PML: variants seen among roughly 807,000 people sequenced by gnomAD.
The protein encoded by PML is protein PML.
A neutral mutation model predicts 65.2 loss-of-function variants in PML; 28 were observed. That is an observed-to-expected ratio of 0.43 (90% confidence interval 0.32 to 0.59). The LOEUF is 0.59. Among genes scored for constraint, PML ranks in the 20% least tolerant of loss-of-function variants. PML has a pLI of 0.08. For synonymous variants in PML, 500 were observed against 508.8 expected (o/e 0.98, Z 0.23); for missense variants, 1,021 against 1,203.4 (o/e 0.85, Z 2.24).
rs115415731 is a variant in PML at position 74,033,614 on chromosome 15, G to A, written c.1657+200G>A. On this transcript the variant is annotated intron_variant, in intron 6 of 8. Coordinates refer to ENST00000268058, the MANE Select transcript of PML (RefSeq NM_033238.3). The stretch of plus-strand genomic sequence containing the variant: ...TACCATGTGTTTTGCCATGATTGAG[G>A]TGTGGGGAGCCTGACAGGCTAAAAT... 5.7e-4 allele frequency: 411 copies of A among 719,116 alleles called. 4 individuals carry two copies. The African/African-American group carries it at 6.1e-3, about 11-fold the overall frequency. 44.5% of individuals were successfully genotyped at this position (719,116 alleles called of 1,614,324 possible).
intron 2 of PML, among the ~76,000 whole-genome samples, chr15:74,014,381 T>G (rs2165242): frequency 0.6 from 90,211 of 151,270 alleles, 27,027 homozygotes; most frequent in East Asian, 0.63. Context: ...TCCCAGGCAG[T>G]AGCGCAGTGG....
chr15:74,031,871 CA>C (rs1424478057), intron 4 of PML, among the ~76,000 whole-genome samples: 1 of 152,186 alleles, frequency 6.6e-6, no homozygotes, highest in African/African-American at 2.4e-5. Context: ...CTTGTATTAA[CA>C]CATTTCATCC....
rs560465975 is a variant in PML, at chr15:74,023,714, A to G, written c.1183+306A>G. ...TGCAAAGCTGAGAATCAGACCCAGT[A>G]TCATTTTGGCGCCAGAGGGACCAAG... On this transcript the variant is annotated intron_variant, in intron 3 of 8. Transcript: ENST00000268058. Among the ~76,000 whole-genome samples, 26 of 152,334 alleles carry G rather than the reference A, an allele frequency of 1.7e-4. No homozygotes were observed. In the South Asian group the frequency reaches 5.4e-3, roughly 32 times the overall value.
At chr15:74,033,783 C>G (rs2071424242) in intron 6 of PML, 1 of 579,238 alleles carries the variant, frequency 1.7e-6, no homozygotes, top group African/African-American at 1.9e-5. Context: ...CTCCCCATGA[C>G]CTTAACTCTG....
chr15:74,037,359 C>G lies in PML; in HGVS notation c.1710+2829C>G, dbSNP rs2071593670. 2.0e-6 allele frequency: 2 copies of G among 985,298 alleles called. No individual in the cohort carries two copies. The highest frequency in any genetic ancestry group is 2.4e-6 in the Non-Finnish European group (2 of 829,924). The allele number at this position is 985,298 out of a possible 1,614,324, so 61.0% of individuals were successfully genotyped here. A position where few individuals can be genotyped will look rare whatever the true frequency, so the allele number is the denominator to read the frequency against. Reference sequence around the variant, plus strand: ...GGGTGGAAGGGATGTCCACCTGCCTCCAGGACTCACCCTGTGTCCTGGCCC... The same window carrying G: ...GGGTGGAAGGGATGTCCACCTGCCTGCAGGACTCACCCTGTGTCCTGGCCC... On this transcript the variant is annotated intron_variant, in intron 7 of 8. Transcript: ENST00000268058. The surrounding 1 kb of genome is among the most constrained non-coding windows in gnomAD (Gnocchi z 4.2).
At chr15:74,011,978 T>C (rs1269238397) in intron 2 of PML, among the ~76,000 whole-genome samples, 3 of 152,244 alleles carry the variant, frequency 2.0e-5, no homozygotes, top group Non-Finnish European at 2.9e-5. Context: ...AAGTTGTTTC[T>C]TAAGAATTTA....
rs2071611173 is a variant in PML at position 74,037,989 on chromosome 15, C to T, written c.1710+3459C>T. 1.3e-5 allele frequency among the ~76,000 whole-genome samples: 2 copies of T among 152,190 alleles called. No homozygotes were observed. The highest frequency in any genetic ancestry group is 4.1e-4 in the South Asian group (2 of 4,828). ...AACTCAGCACCTTCTCCTCCCGTCT[C>T]ACTGGCTCGCCCCACTCTCTGCCCG... On this transcript the variant is annotated intron_variant, in intron 7 of 8. Transcript: ENST00000268058. The surrounding 1 kb of genome is among the most constrained non-coding windows in gnomAD (Gnocchi z 4.2).
chr15:74,032,575 G>A lies in PML; in HGVS notation c.1258G>A (p.Glu420Lys), dbSNP rs565219584. 1.2e-5 allele frequency: 19 copies of A among 1,614,188 alleles called. No individual in the cohort carries two copies. Among genetic ancestry groups the A allele is most frequent in the African/African-American group, 1.3e-5 (1 of 75,054 alleles). ...CTCAATTTTCCCAACTTTGCAGCCC[G>A]AGGAGGCAGAGAGAGTGAAGGCCCA... ...PRDPIDVDLP[E>K]EAERVKAQVQ... Residue 420 changes from glutamate (E) to lysine (K), a missense_variant, in exon 5 of 9, where the codon GAG becomes AAG. Coordinates refer to ENST00000268058, the MANE Select transcript of PML (RefSeq NM_033238.3).
At position 74,033,153 on chromosome 15, in the gene PML, C is replaced by T. The variant is rs373171127; in HGVS notation, c.1399-3C>T. On this transcript the variant is annotated splice_polypyrimidine_tract_variant and splice_region_variant and intron_variant, in intron 5 of 8. Coordinates refer to ENST00000268058, the MANE Select transcript of PML (RefSeq NM_033238.3). ...ACCTGGCTCTGTGACTCCCTCTATG[C>T]AGGATGTCTCCAATACAACGACAGC... 2.4e-5 allele frequency: 38 copies of T among 1,613,902 alleles called. No homozygotes were observed. The African/African-American group carries it at 4.9e-4, about 21-fold the overall frequency.
chr15:74,037,684 C>A lies in PML; in HGVS notation c.1710+3154C>A. The A allele has an allele frequency of 1.0e-6, 1 of 985,406 alleles. No individual in the cohort carries two copies. The highest frequency in any genetic ancestry group is 1.7e-5 in the African/African-American group (1 of 57,352). The allele number at this position is 985,406 out of a possible 1,614,324, so 61.0% of individuals were successfully genotyped here. A position where few individuals can be genotyped will look rare whatever the true frequency, so the allele number is the denominator to read the frequency against. ...GTTATTATTCTTGACCGGCGCTGGG[C>A]CCGGTCTTTCCTGGAAAGATCGCCT... On this transcript the variant is annotated intron_variant, in intron 7 of 8. Transcript: ENST00000268058. This position sits in a 1 kb window ranked among gnomAD's most constrained non-coding sequence, Gnocchi z 4.2.
At chr15:74,024,958 T>A in intron 4 of PML, 31 bp downstream of exon 4, 1 of 1,513,488 alleles carries the variant, frequency 6.6e-7, no homozygotes, top group Non-Finnish European at 9.2e-7. Context: ...GAAGGGGTGG[T>A]GGTGGGGCCC....
chr15:74,034,592 C>T, intron 7 of PML, 62 bp downstream of exon 7: 1 of 1,614,186 alleles, frequency 6.2e-7, no homozygotes. Context: ...TCCCAGGGGG[C>T]ACAGCCACAG....
chr15:74,013,782 A>G (rs1428354338), intron 2 of PML, among the ~76,000 whole-genome samples: 1 of 152,244 alleles, frequency 6.6e-6, no homozygotes, highest in Non-Finnish European at 1.5e-5. Context: ...CATGTACTGA[A>G]AATAGATCAG....
chr15:74,023,566 A>AG (rs1472202119), intron 3 of PML, among the ~76,000 whole-genome samples, 158 bp downstream of exon 3: 1 of 152,158 alleles, frequency 6.6e-6, no homozygotes, highest in Non-Finnish European at 1.5e-5. Context: ...GCACAGGATA[A>AG]GGGGGAGATG....
chr15:74,031,171 A>C, intron 4 of PML: 1 of 356,878 alleles, frequency 2.8e-6, no homozygotes, highest in Non-Finnish European at 5.7e-6. Context: ...GGCAACCACC[A>C]ATCTGCTTTC....
In PML at chr15:74,044,363, C is replaced by T. The variant is rs1489823323; in HGVS notation, c.2004C>T (p.Ser668=). The T allele has an allele frequency of 6.2e-7, 1 of 1,614,246 alleles. No homozygotes were observed. Among genetic ancestry groups the T allele is most frequent in the Non-Finnish European group, 8.5e-7 (1 of 1,180,030 alleles). ...GLQHFLSFLS[S]MRRPILACYK... is the part of the protein sequence containing the mutation. ...AGCACTTCCTCAGCTTTCTGAGCTC[C>T]ATGCGCCGCCCTATCTTGGCCTGCT... The change falls in exon 9 of 9, where the codon TCC becomes TCT. Residue 668 remains serine, a synonymous_variant. Transcript: ENST00000268058.
rs1264786755 is a variant in PML, at chr15:74,004,290, A to G, written c.602+5814A>G. Among the ~76,000 whole-genome samples, 3 of 151,920 alleles carry G rather than the reference A, an allele frequency of 2.0e-5. No homozygotes were observed. The East Asian group carries it at 5.8e-4, about 29-fold the overall frequency. On this transcript the variant is annotated intron_variant, in intron 2 of 8. Coordinates refer to ENST00000268058, the MANE Select transcript of PML (RefSeq NM_033238.3). ...GTGCCTGGCTAATAAATATAGTTGG[A>G]TGGTTTTCATTTGTTTATTTGTTTG...
chr15:74,004,789 C>G (rs1595882621), intron 2 of PML, among the ~76,000 whole-genome samples: 2 of 151,802 alleles, frequency 1.3e-5, no homozygotes, highest in Admixed American at 6.6e-5. Flanking sequence ...TCATTGCAAC[C>G]TTTGCCTCCC....
chr15:74,034,370 G>T lies in PML; in HGVS notation c.1658-108G>T. 2.0e-6 allele frequency: 3 copies of T among 1,475,604 alleles called. No individual in the cohort carries two copies. Among genetic ancestry groups the T allele is most frequent in the Non-Finnish European group, 2.8e-6 (3 of 1,056,460 alleles). The allele number at this position is 1,475,604 out of a possible 1,614,324, so 91.4% of individuals were successfully genotyped here. A position where few individuals can be genotyped will look rare whatever the true frequency, so the allele number is the denominator to read the frequency against. ...GTTCCCGTCCCCCTGCAGGGCATCC[G>T]TTTCCCCCAGCCGACTGGCCTGCAA... On this transcript the variant is annotated intron_variant, in intron 6 of 8. Coordinates refer to ENST00000268058, the MANE Select transcript of PML (RefSeq NM_033238.3).
Sources: gnomAD v4.1 joint callset for allele counts (sites outside exome capture counted in the v4.1 genomes callset) on GRCh38, gnomAD v4.1.1 for gene constraint, Gnocchi (gnomAD v3.1) non-coding constraint, MANE v1.5 for transcripts, NCBI Gene and HGNC (gene_info 2026-07-23, HGNC 2026-07-21) for gene names.